The following MME variants were observed in gnomAD, a reference collection of about 807,000 sequenced individuals.
The protein encoded by MME is membrane metalloendopeptidase.
Under a neutral mutation model 113.2 loss-of-function variants are expected in MME, and 98 were observed. That is an observed-to-expected ratio of 0.87 (90% CI 0.74 to 1.02). The LOEUF (loss-of-function observed/expected upper bound fraction) is 1.02. Among genes scored for constraint, MME ranks in the 50% least tolerant of loss-of-function variants. MME has a pLI of 0.00. For missense variants in MME, 836 were observed against 896.0 expected (o/e 0.93, Z 0.86); for synonymous variants, 292 against 300.6 (o/e 0.97, Z 0.30).
intron 16 of MME, among the ~76,000 whole-genome samples, chr3:155,151,388 G>T (rs1721920704): frequency 6.6e-6 from 1 of 152,128 alleles, no homozygotes. Context: ...TAATGTAAAT[G>T]AATTCAATTA....
chr3:155,158,749 G>A (rs1358041036), intron 16 of MME: 2 of 151,950 alleles, frequency 1.3e-5, no homozygotes, highest in African/African-American at 2.4e-5. Context: ...AATTATGTGG[G>A]AAGCAAATAG....
intron 17 of MME, among the ~76,000 whole-genome samples, chr3:155,166,650 T>C (rs1157130417): frequency 2.6e-5 from 4 of 152,150 alleles, no homozygotes; most frequent in African/African-American, 9.7e-5. Flanking sequence ...AACTCTGTTG[T>C]CATCCATAAT....
At chr3:155,157,264 C>T (rs1353789423) in intron 16 of MME, among the ~76,000 whole-genome samples, 1 of 152,134 alleles carries the variant, frequency 6.6e-6, no homozygotes, top group Non-Finnish European at 1.5e-5. Flanking sequence ...ATACCACATA[C>T]ATGCCCACAT....
intron 16 of MME, among the ~76,000 whole-genome samples, chr3:155,149,506 C>T (rs933438786): frequency 1.3e-5 from 2 of 152,092 alleles, no homozygotes; most frequent in African/African-American, 4.8e-5. Flanking sequence ...TTCATTCATG[C>T]ATTCATTTAT....
intron 1 of MME, among the ~76,000 whole-genome samples, chr3:155,043,495 G>T (rs1240168785): frequency 6.6e-6 from 1 of 151,712 alleles, no homozygotes; most frequent in Non-Finnish European, 1.5e-5. Flanking sequence ...ACCACGCCCG[G>T]CCAATTATGT....
chr3:155,081,414 C>A (rs555087541), intron 1 of MME: 1 of 152,134 alleles, frequency 6.6e-6, no homozygotes, highest in African/African-American at 2.4e-5. Context: ...GTAATTTATT[C>A]TGTTGGTAAT....
chr3:155,169,849 C>A (rs1364057651), intron 20 of MME, among the ~76,000 whole-genome samples: 1 of 151,938 alleles, frequency 6.6e-6, no homozygotes, highest in Non-Finnish European at 1.5e-5. Flanking sequence ...AGAGGAAGCA[C>A]CAGAGAAGTG....
In MME at chr3:155,043,434, C is replaced by T. The variant is rs573378637; in HGVS notation, c.-11+19110C>T. 6.6e-5 allele frequency among the ~76,000 whole-genome samples: 10 copies of T among 151,764 alleles called. No homozygotes were observed. The East Asian group carries it at 1.6e-3, about 24-fold the overall frequency. On this transcript the variant is annotated intron_variant, in intron 1 of 22. Transcript: ENST00000492661. The stretch of plus-strand genomic sequence containing the variant: ...GCAACCTCCACCTCCCAGGTTCAAG[C>T]GATTCTCCTGCCTCAGTCTTCCCAA...
intron 2 of MME, among the ~76,000 whole-genome samples, chr3:155,084,715 GT>G (rs776705059): frequency 1.8e-4 from 28 of 152,094 alleles, no homozygotes; most frequent in African/African-American, 2.9e-4. Context: ...AGTCTTGGAA[GT>G]TTTTTACAAC....
At chr3:155,097,523 T>A (rs1031065728) in intron 3 of MME, among the ~76,000 whole-genome samples, 6 of 152,096 alleles carry the variant, frequency 3.9e-5, no homozygotes, top group Non-Finnish European at 8.8e-5. Context: ...ACATTGAAGA[T>A]TCAGGTGAAG....
chr3:155,071,993 C>G (rs1461565901), intron 1 of MME, among the ~76,000 whole-genome samples: 1 of 151,702 alleles, frequency 6.6e-6, no homozygotes, highest in Admixed American at 6.6e-5. Flanking sequence ...AACCCCGTCT[C>G]TACTAAAAAT....
chr3:155,084,206 C>T lies in MME; in HGVS notation c.39C>T (p.Ile13=). The change falls in exon 2 of 23, where the codon ATC becomes ATT. Residue 13 remains isoleucine, a synonymous_variant. Coordinates refer to ENST00000360490, the MANE Select transcript of MME (RefSeq NM_007289.4). ...KSESQMDITD[I]NTPKPKKKQR... is the part of the protein sequence containing the mutation. ...AAAGTCAGATGGATATAACTGATATCAACACTCCAAAGCCAAAGAAGAAAC... is the reference window on the plus strand; with the variant it reads ...AAAGTCAGATGGATATAACTGATATTAACACTCCAAAGCCAAAGAAGAAAC... The T allele has an allele frequency of 1.2e-6, 2 of 1,613,992 alleles. No homozygotes were observed. Among genetic ancestry groups the T allele is most frequent in the Non-Finnish European group, 1.7e-6 (2 of 1,179,966 alleles).
intron 1 of MME, among the ~76,000 whole-genome samples, chr3:155,069,402 G>C (rs900282346): frequency 3.9e-5 from 6 of 152,172 alleles, no homozygotes; most frequent in African/African-American, 1.4e-4. Flanking sequence ...CTTTCAGTGA[G>C]AGGGATGAAA....
chr3:155,176,749 C>T (rs1441125197), intron 22 of MME, among the ~76,000 whole-genome samples: 1 of 152,104 alleles, frequency 6.6e-6, no homozygotes, highest in African/African-American at 2.4e-5. Flanking sequence ...TTGCTTGAAC[C>T]CAGGAGGTCA....
chr3:155,035,979 GC>G (rs1713115221), intron 1 of MME, among the ~76,000 whole-genome samples: 1 of 152,086 alleles, frequency 6.6e-6, no homozygotes, highest in Non-Finnish European at 1.5e-5. Context: ...AATAATCCAG[GC>G]AAAAATGATG....
At chr3:155,101,112 C>A (rs1190256034) in intron 3 of MME, among the ~76,000 whole-genome samples, 2 of 152,052 alleles carry the variant, frequency 1.3e-5, no homozygotes, top group Non-Finnish European at 2.9e-5. Flanking sequence ...CCGTTCTTGC[C>A]ACGTGAGATG....
At chr3:155,074,179 A>T (rs182397895) in intron 1 of MME, among the ~76,000 whole-genome samples, 1 of 152,088 alleles carries the variant, frequency 6.6e-6, no homozygotes, top group East Asian at 1.9e-4. Flanking sequence ...GTACTACTGC[A>T]TTCAGTTTAC....
intron 17 of MME, among the ~76,000 whole-genome samples, chr3:155,166,479 A>G (rs1036998090): frequency 2.0e-5 from 3 of 152,174 alleles, no homozygotes; most frequent in Admixed American, 1.3e-4. Flanking sequence ...TATTGGTGTT[A>G]CTGAGTAACT....
At chr3:155,143,318 G>A (rs1721260475) in intron 12 of MME, 125 bp from the exon 13 acceptor site, 1 of 1,083,834 alleles carries the variant, frequency 9.2e-7, no homozygotes, top group Non-Finnish European at 1.4e-6. Flanking sequence ...TAGGAACATG[G>A]GCCTTGTGAG....
Sources: gnomAD v4.1 joint callset for allele counts (sites outside exome capture counted in the v4.1 genomes callset) on GRCh38, gnomAD v4.1.1 for gene constraint, MANE v1.5 for transcripts, NCBI Gene and HGNC (gene_info 2026-07-23, HGNC 2026-07-21) for gene names.